RGS21: variants seen among roughly 807,000 people sequenced by gnomAD.
RGS21 encodes regulator of G protein signaling 21, also known as regulator of G-protein signalling 21.
A neutral mutation model predicts 18.7 loss-of-function variants in RGS21; 19 were observed. The ratio of observed to expected loss-of-function variants is 1.01; its 90% CI spans 0.71 to 1.49. The LOEUF (loss-of-function observed/expected upper bound fraction) is 1.49. RGS21 is among the 40% of genes most tolerant of loss of function. RGS21 has a pLI of 0.00. For synonymous variants in RGS21, 56 were observed against 57.8 expected, an observed-to-expected ratio of 0.97 and a Z score of 0.14; for missense variants, 194 against 176.8, an observed-to-expected ratio of 1.10 and a Z score of -0.55.
intron 4 of RGS21, among the ~76,000 whole-genome samples, chr1:192,352,495 T>G (rs68003991): frequency 6.6e-6 from 1 of 151,716 alleles, no homozygotes; most frequent in Non-Finnish European, 1.5e-5. Context: ...TCTCAAACAG[T>G]GCTAAAATCA....
chr1:192,326,845 G>A (rs1309300907), intron 1 of RGS21, among the ~76,000 whole-genome samples: 1 of 152,098 alleles, frequency 6.6e-6, no homozygotes, highest in African/African-American at 2.4e-5. Context: ...TTCACAGCAG[G>A]TGAAGAATGC....
At chr1:192,327,544 C>T (rs1658584704) in intron 1 of RGS21, among the ~76,000 whole-genome samples, 1 of 152,020 alleles carries the variant, frequency 6.6e-6, no homozygotes, top group Non-Finnish European at 1.5e-5. Context: ...ATGATCTCAG[C>T]TCACTGCAAC....
chr1:192,329,922 G>A (rs549475573), intron 1 of RGS21, among the ~76,000 whole-genome samples: 1 of 152,226 alleles, frequency 6.6e-6, no homozygotes, highest in East Asian at 1.9e-4. Flanking sequence ...TTTTATACTT[G>A]TTTATAGTAA....
rs1659255505 is a variant in RGS21, at chr1:192,366,076, A to G, written c.411A>G (p.Val137=). ...FLKSEIYKKL[V]NSQQVPNHKK... is the part of the protein sequence containing the mutation. ...AGTCAGAGATTTATAAAAAACTGGT[A>G]AATAGCCAACAGGTTCCAAATCATA... Residue 137 remains valine, a synonymous_variant, in exon 5 of 5, where the codon GTA becomes GTG. Coordinates refer to ENST00000417209, the MANE Select transcript of RGS21 (RefSeq NM_001039152.3). 6.2e-7 allele frequency: 1 copy of G among 1,611,812 alleles called. No homozygotes were observed. Among genetic ancestry groups the G allele is most frequent in the South Asian group, 1.1e-5 (1 of 90,804 alleles).
At chr1:192,347,431 A>T (rs2102232046) in intron 3 of RGS21, 42 bp downstream of exon 3, 1 of 909,960 alleles carries the variant, frequency 1.1e-6, no homozygotes, top group South Asian at 1.5e-5. Flanking sequence ...CAATAATTAA[A>T]TATAAATTAT....
intron 2 of RGS21, among the ~76,000 whole-genome samples, chr1:192,343,285 T>C (rs953645978): frequency 4.6e-5 from 7 of 152,122 alleles, no homozygotes; most frequent in African/African-American, 1.7e-4. Flanking sequence ...AAAGTGGAGA[T>C]AGACCACTGA....
intron 1 of RGS21, among the ~76,000 whole-genome samples, chr1:192,321,827 A>T (rs1658502222): frequency 6.6e-6 from 1 of 152,054 alleles, no homozygotes; most frequent in South Asian, 2.1e-4. Context: ...ACTTGAAATA[A>T]ATCTTTCATT....
At chr1:192,359,153 A>G (rs1659149104) in intron 4 of RGS21, among the ~76,000 whole-genome samples, 1 of 152,152 alleles carries the variant, frequency 6.6e-6, no homozygotes, top group African/African-American at 2.4e-5. Flanking sequence ...TTTGAAAAAT[A>G]AGCAAATAAA....
intron 2 of RGS21, among the ~76,000 whole-genome samples, chr1:192,345,120 A>T (rs1658927891): frequency 6.6e-6 from 1 of 152,088 alleles, no homozygotes; most frequent in Non-Finnish European, 1.5e-5. Context: ...TTATGTAAAC[A>T]CCTTCATTCT....
At chr1:192,352,811 G>T (rs918239449) in intron 4 of RGS21, among the ~76,000 whole-genome samples, 1 of 151,880 alleles carries the variant, frequency 6.6e-6, no homozygotes, top group Non-Finnish European at 1.5e-5. Context: ...TGTTAATAGC[G>T]CTCCAAACGT....
In RGS21 at chr1:192,366,576, A is replaced by C. The variant is rs78438749; in HGVS notation, c.*452A>C. On this transcript the variant is annotated 3_prime_UTR_variant, in exon 5 of 5. Transcript: ENST00000417209. The stretch of plus-strand genomic sequence containing the variant: ...TATATTTAACTGTTTTTTTTCTGCC[A>C]TTTCTTTCCAACTATTTCTAATAAT... 1,376 of 152,710 alleles carry C rather than the reference A, an allele frequency of 9.0e-3. 7 individuals carry two copies. Among genetic ancestry groups the C allele is most frequent in the Non-Finnish European group, 0.013 (903 of 68,414 alleles). 9.5% of individuals were successfully genotyped at this position (152,710 alleles called of 1,614,324 possible). A position where few individuals can be genotyped will look rare whatever the true frequency, so the allele number is the denominator to read the frequency against.
intron 1 of RGS21, among the ~76,000 whole-genome samples, chr1:192,325,225 T>C (rs977599875): frequency 3.9e-5 from 6 of 152,088 alleles, no homozygotes; most frequent in Non-Finnish European, 8.8e-5. Flanking sequence ...CAGGAGGTAT[T>C]TGGCTTTCCG....
At chr1:192,345,323 C>T (rs1377791263) in intron 2 of RGS21, among the ~76,000 whole-genome samples, 1 of 152,026 alleles carries the variant, frequency 6.6e-6, no homozygotes, top group Non-Finnish European at 1.5e-5. Context: ...TATTTTTCAT[C>T]TTCTCTTTCC....
At chr1:192,338,837 C>G (rs1658809251) in intron 1 of RGS21, among the ~76,000 whole-genome samples, 1 of 151,944 alleles carries the variant, frequency 6.6e-6, no homozygotes, top group Admixed American at 6.6e-5. Context: ...CATTTAAGCC[C>G]TCAGTTCTCA....
chr1:192,338,950 C>A (rs1177686837), intron 1 of RGS21, among the ~76,000 whole-genome samples: 5 of 152,016 alleles, frequency 3.3e-5, no homozygotes, highest in Non-Finnish European at 7.4e-5. Context: ...CTTGCTTTAG[C>A]CCTTCCCCTT....
chr1:192,335,838 G>A (rs1249699290), intron 1 of RGS21, among the ~76,000 whole-genome samples: 1 of 152,088 alleles, frequency 6.6e-6, no homozygotes, highest in Non-Finnish European at 1.5e-5. Context: ...GACTTTCAGG[G>A]AATACCAGGC....
intron 1 of RGS21, among the ~76,000 whole-genome samples, chr1:192,338,956 C>A (rs1658811451): frequency 6.6e-6 from 1 of 152,000 alleles, no homozygotes; most frequent in Non-Finnish European, 1.5e-5. Flanking sequence ...TTAGCCCTTC[C>A]CCTTTCTAGT....
intron 1 of RGS21, among the ~76,000 whole-genome samples, chr1:192,335,732 T>G (rs1479597205): frequency 6.6e-6 from 1 of 152,150 alleles, no homozygotes; most frequent in Non-Finnish European, 1.5e-5. Flanking sequence ...GGTATAATTT[T>G]TAAGCTATGC....
chr1:192,343,894 A>C (rs1190432390), intron 2 of RGS21, among the ~76,000 whole-genome samples: 2 of 152,126 alleles, frequency 1.3e-5, no homozygotes, highest in Admixed American at 1.3e-4. Context: ...CCATTTTTTC[A>C]GATAGCACAT....
Sources: allele counts gnomAD v4.1 joint callset (sites outside exome capture counted in the v4.1 genomes callset), GRCh38; gene constraint gnomAD v4.1.1; transcripts MANE v1.5; gene names NCBI Gene and HGNC (gene_info 2026-07-23, HGNC 2026-07-21).